ROBO1: variants seen among roughly 807,000 people sequenced by gnomAD.
ROBO1 encodes the protein roundabout guidance receptor 1.
Under a neutral mutation model 195.9 loss-of-function variants are expected in ROBO1, and 149 were observed. That is an observed-to-expected ratio of 0.76 (90% CI 0.67 to 0.87). ROBO1 has a LOEUF of 0.87. Among genes scored for constraint, ROBO1 ranks in the 40% least tolerant of loss-of-function variants. The probability of loss-of-function intolerance (pLI) is 0.00; values close to 1 mark genes in which losing one functional copy is unlikely to be tolerated. For missense variants in ROBO1, 1,933 were observed against 2,068.3 expected (o/e 0.93, Z 1.27); for synonymous variants, 816 against 733.2 (o/e 1.11, Z -1.82).
chr3:78,982,642 T>C (rs960164301), intron 3 of ROBO1, among the ~76,000 whole-genome samples: 1 of 152,210 alleles, frequency 6.6e-6, no homozygotes, highest in Admixed American at 6.5e-5. Context: ...TTCTTTTTTT[T>C]CTTCAAGATG....
At chr3:79,563,064 C>G (rs1012111416) in intron 2 of ROBO1, among the ~76,000 whole-genome samples, 1 of 151,976 alleles carries the variant, frequency 6.6e-6, no homozygotes, top group African/African-American at 2.4e-5. Flanking sequence ...ATCCTTGGAA[C>G]ACACATATGG....
chr3:79,560,941 C>G (rs1942895160), intron 2 of ROBO1, among the ~76,000 whole-genome samples: 3 of 152,128 alleles, frequency 2.0e-5, no homozygotes. Context: ...CTGCATTTAT[C>G]ATTGTTCACA....
intron 24 of ROBO1, 32 bp from the exon 25 acceptor site, chr3:78,631,337 C>T (rs1422600943): frequency 1.3e-6 from 2 of 1,593,362 alleles, no homozygotes; most frequent in Admixed American, 1.7e-5. Context: ...AGCCATTGAT[C>T]TCTGGCCTTT....
At chr3:79,387,511 T>C (rs1387836939) in intron 2 of ROBO1, among the ~76,000 whole-genome samples, 1 of 151,334 alleles carries the variant, frequency 6.6e-6, no homozygotes, top group African/African-American at 2.4e-5. Context: ...TTTTGAAATA[T>C]TAGCTAATGT....
chr3:79,634,098 GA>G (rs1240992682), intron 1 of ROBO1, among the ~76,000 whole-genome samples: 1 of 152,202 alleles, frequency 6.6e-6, no homozygotes, highest in Admixed American at 6.5e-5. Context: ...TGGGGAGAGA[GA>G]AGGCTGTTGC....
intron 21 of ROBO1, among the ~76,000 whole-genome samples, chr3:78,643,437 C>T (rs1158887495): frequency 1.3e-5 from 2 of 152,070 alleles, no homozygotes; most frequent in African/African-American, 2.4e-5. Context: ...TAATGGAGGG[C>T]ATAGTAGGTG....
At chr3:79,577,998 AG>A (rs1943549855) in intron 2 of ROBO1, among the ~76,000 whole-genome samples, 1 of 152,038 alleles carries the variant, frequency 6.6e-6, no homozygotes, top group Non-Finnish European at 1.5e-5. Flanking sequence ...GTGGGCAAAA[AG>A]TCTGAACAAA....
chr3:79,364,826 C>CA (rs766798714), intron 2 of ROBO1, among the ~76,000 whole-genome samples: 14 of 152,216 alleles, frequency 9.2e-5, no homozygotes, highest in Non-Finnish European at 1.5e-4. Context: ...AATAAGCATG[C>CA]ATACCTGCTA....
intron 2 of ROBO1, among the ~76,000 whole-genome samples, chr3:79,488,001 T>G (rs1390200452): frequency 1.3e-5 from 2 of 152,142 alleles, no homozygotes; most frequent in Non-Finnish European, 2.9e-5. Context: ...ATTGAGAGGT[T>G]AAAATGAGTC....
chr3:79,714,378 G>A (rs1702394365), intron 1 of ROBO1, among the ~76,000 whole-genome samples: 1 of 152,106 alleles, frequency 6.6e-6, no homozygotes, highest in African/African-American at 2.4e-5. Flanking sequence ...TGGAGAAATA[G>A]GAACACTTTT....
chr3:79,692,541 C>T (rs1249118280), intron 1 of ROBO1, among the ~76,000 whole-genome samples: 1 of 151,786 alleles, frequency 6.6e-6, no homozygotes, highest in Non-Finnish European at 1.5e-5. Flanking sequence ...TGACTATTCT[C>T]TCAGCTAGAT....
intron 11 of ROBO1, among the ~76,000 whole-genome samples, chr3:78,668,823 A>C (rs560949376): frequency 6.6e-6 from 1 of 152,218 alleles, no homozygotes; most frequent in African/African-American, 2.4e-5. Flanking sequence ...TATTATCATC[A>C]GTCTCAGGGA....
At chr3:79,061,706 A>C (rs1576628723) in intron 3 of ROBO1, among the ~76,000 whole-genome samples, 1 of 152,278 alleles carries the variant, frequency 6.6e-6, no homozygotes, top group Middle Eastern at 3.4e-3. Flanking sequence ...ACACATCTAC[A>C]ACCATCTGAC....
intron 2 of ROBO1, among the ~76,000 whole-genome samples, chr3:79,220,440 G>T (rs963517534): frequency 1.3e-4 from 19 of 151,954 alleles, no homozygotes; most frequent in African/African-American, 4.4e-4. Context: ...AAAAATCAAT[G>T]AGTTAAACAG....
chr3:79,393,930 A>T (rs2037045778), intron 2 of ROBO1, among the ~76,000 whole-genome samples: 1 of 152,128 alleles, frequency 6.6e-6, no homozygotes, highest in South Asian at 2.1e-4. Flanking sequence ...AAGTGAATAG[A>T]AAAAAAGAAT....
At position 78,673,653 on chromosome 3, in the gene ROBO1, C is replaced by T. The variant is rs1396615842; in HGVS notation, c.1343-3352G>A. ...TTATAAAAGTTTAGCTATCTTTTCC[C>T]CACATTTAGTGAAAGACTTCAAAAC... is the stretch of plus-strand genomic sequence containing the variant. On this transcript the variant is annotated intron_variant, in intron 10 of 30. Coordinates refer to ENST00000464233, the MANE Select transcript of ROBO1 (RefSeq NM_002941.4). Among the ~76,000 whole-genome samples, 3 of 134,902 alleles carry T rather than the reference C, an allele frequency of 2.2e-5. No homozygotes were observed. In the Admixed American group the frequency reaches 2.4e-4, roughly 11 times the overall value. 88.5% of individuals were successfully genotyped at this position (134,902 alleles called of 152,430 possible).
Position 78,938,763 on chromosome 3 carries a change from C to T in ROBO1, c.337G>A (p.Asp113Asn), listed in dbSNP as rs770285553. 1 of 1,613,858 alleles carries T rather than the reference C, an allele frequency of 6.2e-7. No individual in the cohort carries two copies. Among genetic ancestry groups the T allele is most frequent in the Non-Finnish European group, 8.5e-7 (1 of 1,179,900 alleles). ...AACATTCGGTGTGAGCGAGGGTCATCTTTGTCTGTCTCCACTCTCTCTCCC... is the reference window on the plus strand; with the variant it reads ...AACATTCGGTGTGAGCGAGGGTCATTTTTGTCTGTCTCCACTCTCTCTCCC... ...KGGERVETDKDDPRSHRMLLP... is the reference protein window; with the variant it reads ...KGGERVETDKNDPRSHRMLLP... The change falls in exon 4 of 31, where the codon GAT (aspartate) becomes AAT (asparagine). Residue 113 changes from aspartate (D) to asparagine (N), a missense_variant. Asp to Asn is a conservative substitution (Grantham distance 23). Coordinates refer to ENST00000464233, the MANE Select transcript of ROBO1 (RefSeq NM_002941.4).
At chr3:78,671,176 T>C (rs1463619226) in intron 10 of ROBO1, among the ~76,000 whole-genome samples, 1 of 152,142 alleles carries the variant, frequency 6.6e-6, no homozygotes, top group Non-Finnish European at 1.5e-5. Context: ...TCTAAAAACT[T>C]TATCTGACAT....
chr3:79,500,348 T>C (rs987120968), intron 2 of ROBO1, among the ~76,000 whole-genome samples: 1 of 152,122 alleles, frequency 6.6e-6, no homozygotes, highest in Non-Finnish European at 1.5e-5. Context: ...CAGGCTGGTC[T>C]CGAACTCCTG....
Sources: gnomAD v4.1 joint callset for allele counts (sites outside exome capture counted in the v4.1 genomes callset) on GRCh38, gnomAD v4.1.1 for gene constraint, MANE v1.5 for transcripts, NCBI Gene and HGNC (gene_info 2026-07-23, HGNC 2026-07-21) for gene names.